The following PLEKHM1 variants were observed in gnomAD, a reference collection of about 807,000 sequenced individuals.
The protein encoded by PLEKHM1 is pleckstrin homology and RUN domain containing M1.
A neutral mutation model predicts 94.3 loss-of-function variants in PLEKHM1; 28 were observed. That is an observed-to-expected ratio of 0.30 (90% confidence interval 0.22 to 0.41). PLEKHM1 has a LOEUF of 0.41. Among genes scored for constraint, PLEKHM1 ranks in the 10% least tolerant of loss-of-function variants. PLEKHM1 has a pLI of 1.00. For synonymous variants in PLEKHM1, 424 were observed against 581.2 expected (o/e 0.73, Z 3.89); for missense variants, 907 against 1,358.6 (o/e 0.67, Z 5.22).
chr17:45,486,203 AG>A (rs2052113852), intron 1 of PLEKHM1, among the ~76,000 whole-genome samples: 1 of 143,352 alleles, frequency 7.0e-6, no homozygotes, highest in Non-Finnish European at 1.5e-5. Context: ...GGCGACAGAG[AG>A]AGACTCCGTC....
chr17:45,441,667 A>G (rs2050451499), intron 9 of PLEKHM1, among the ~76,000 whole-genome samples: 1 of 152,140 alleles, frequency 6.6e-6, no homozygotes, highest in South Asian at 2.1e-4. Context: ...GCTTCTCCGC[A>G]GTGCTCAGTC....
Position 45,453,557 on chromosome 17 carries a change from G to A in PLEKHM1, c.2295C>T (p.Ala765=), listed in dbSNP as rs768761599. 6.2e-6 allele frequency: 10 copies of A among 1,601,442 alleles called. No homozygotes were observed. The Admixed American group carries it at 6.9e-5, about 11-fold the overall frequency. The change falls in exon 7 of 12, where the codon GCC becomes GCT. Residue 765 remains alanine (A), a synonymous_variant. Transcript: ENST00000430334. This position sits in a 1 kb window ranked among gnomAD's most constrained non-coding sequence, Gnocchi z 4.1. ...LKLQAGNAEE[A]ALWRDLVRKV... ...TGCGGACCAGATCCCTCCACAGGGC[G>A]GCTTCCTCGGCGTTTCCGGCCTGCA...
In PLEKHM1 at chr17:45,458,237, C is replaced by G. The variant is rs1389259794; in HGVS notation, c.1511G>C (p.Arg504Thr). Residue 504 changes from arginine (R) to threonine (T), a missense_variant, in exon 6 of 12, where the codon AGA (arginine) becomes ACA (threonine). Transcript: ENST00000430334. ...LDQACVPSPGRRQAQAAPSQG... is the reference protein window; with the variant it reads ...LDQACVPSPGTRQAQAAPSQG... ...GGATGGGGCTGCCTGGGCTTGCCTT[C>G]TTCCTGGGGAAGGTACACACGCTTG... is the stretch of plus-strand genomic sequence containing the variant. 1 of 1,612,950 alleles carries G rather than the reference C, an allele frequency of 6.2e-7. No individual in the cohort carries two copies.
chr17:45,451,170 G>A (rs1381811963), intron 7 of PLEKHM1, among the ~76,000 whole-genome samples: 1 of 152,094 alleles, frequency 6.6e-6, no homozygotes, highest in Admixed American at 6.5e-5. Flanking sequence ...CCCTCCACTC[G>A]GGCCCCAGAA....
chr17:45,471,888 C>T (rs2051525457), intron 4 of PLEKHM1, among the ~76,000 whole-genome samples: 1 of 152,158 alleles, frequency 6.6e-6, no homozygotes, highest in Non-Finnish European at 1.5e-5. Context: ...TATACCTATG[C>T]CACTCAGTGA....
chr17:45,487,164 C>T (rs1416181071), intron 1 of PLEKHM1, among the ~76,000 whole-genome samples: 2 of 152,192 alleles, frequency 1.3e-5, no homozygotes, highest in East Asian at 1.9e-4. Flanking sequence ...CAAACCACAC[C>T]AAGTCTACTG....
Position 45,445,107 on chromosome 17 carries a change from A to G in PLEKHM1, c.2837+363T>C, listed in dbSNP as rs1329836102. On this transcript the variant is annotated intron_variant, in intron 9 of 11. Coordinates refer to ENST00000430334, the MANE Select transcript of PLEKHM1 (RefSeq NM_014798.3). The surrounding 1 kb of genome is among the most constrained non-coding windows in gnomAD (Gnocchi z 4.2). ...GGTGTGCAGTGCTTAGTATGTTCTC[A>G]GTCCATGTTTTTGAGTGAACAAATA... is the stretch of plus-strand genomic sequence containing the variant. Among the ~76,000 whole-genome samples the G allele has an allele frequency of 6.6e-6, 1 of 152,222 alleles. No individual in the cohort carries two copies. Among genetic ancestry groups the G allele is most frequent in the African/African-American group, 2.4e-5 (1 of 41,460 alleles).
chr17:45,460,107 A>C (rs570305370), intron 5 of PLEKHM1: 1 of 152,344 alleles, frequency 6.6e-6, no homozygotes, highest in South Asian at 2.1e-4. Context: ...TGACAGTAGA[A>C]CATGTGTGAC....
rs2521717 is a variant in PLEKHM1, at chr17:45,437,045, G to C, written c.*813C>G. On this transcript the variant is annotated 3_prime_UTR_variant, in exon 12 of 12. Transcript: ENST00000430334. The surrounding 1 kb of genome is among the most constrained non-coding windows in gnomAD (Gnocchi z 4.0). Reference sequence around the variant, plus strand: ...GCAAGACGGCGACCCTCCATAAACCGAGGAGGGCTCAAAGTGCTGACAGTG... The same window carrying C: ...GCAAGACGGCGACCCTCCATAAACCCAGGAGGGCTCAAAGTGCTGACAGTG... 90,296 of 454,392 alleles carry C rather than the reference G, an allele frequency of 0.2. 10,920 individuals are homozygous for C. The highest frequency in any genetic ancestry group is 0.27 in the Non-Finnish European group (60,100 of 226,726). 28.1% of individuals were successfully genotyped at this position (454,392 alleles called of 1,614,324 possible). A position where few individuals can be genotyped will look rare whatever the true frequency, so the allele number is the denominator to read the frequency against.
chr17:45,475,358 G>A lies in PLEKHM1; in HGVS notation c.665C>T (p.Ser222Phe). 6.2e-7 allele frequency: 1 copy of A among 1,613,952 alleles called. No individual in the cohort carries two copies. Among genetic ancestry groups the A allele is most frequent in the Non-Finnish European group, 8.5e-7 (1 of 1,179,850 alleles). Reference sequence around the variant, plus strand: ...TTCAGAGCCTGAAGAATGGGAAATGGAATCCAGAGATTCCTTCCGCTGTAG... The same window carrying A: ...TTCAGAGCCTGAAGAATGGGAAATGAAATCCAGAGATTCCTTCCGCTGTAG... ...AELQRKESLD[S>F]ISHSSGSEDI... The change falls in exon 4 of 12, where the codon TCC (serine) becomes TTC (phenylalanine). Residue 222 changes from serine to phenylalanine, a missense_variant. Coordinates refer to ENST00000430334, the MANE Select transcript of PLEKHM1 (RefSeq NM_014798.3).
rs1263686918 is a variant in PLEKHM1, at chr17:45,437,561, C to T, written c.*297G>A. The T allele has an allele frequency of 2.1e-5, 13 of 625,518 alleles. No individual in the cohort carries two copies. The highest frequency in any genetic ancestry group is 6.7e-5 in the East Asian group (2 of 29,954). 38.7% of individuals were successfully genotyped at this position (625,518 alleles called of 1,614,324 possible). On this transcript the variant is annotated 3_prime_UTR_variant, in exon 12 of 12. Coordinates refer to ENST00000430334, the MANE Select transcript of PLEKHM1 (RefSeq NM_014798.3). The surrounding 1 kb of genome is among the most constrained non-coding windows in gnomAD (Gnocchi z 4.0). ...AGTGTTTGGGCAGCCCTAACGGAGG[C>T]GCCGGGACGCTGGTGAGCCAGGGCC...
intron 5 of PLEKHM1, among the ~76,000 whole-genome samples, chr17:45,465,560 AT>A (rs1188327559): frequency 6.6e-6 from 1 of 151,988 alleles, no homozygotes; most frequent in Non-Finnish European, 1.5e-5. Context: ...AAATACAAAA[AT>A]TAGCTGGGCA....
Position 45,436,675 on chromosome 17 carries a change from C to G in PLEKHM1, c.*1183G>C, listed in dbSNP as rs947928571. ...AACAATTCCAGACTCCCACCCCAGC[C>G]CCAAGGCCCCTTCAAAGGCAGTCCT... On this transcript the variant is annotated 3_prime_UTR_variant, in exon 12 of 12. Coordinates refer to ENST00000430334, the MANE Select transcript of PLEKHM1 (RefSeq NM_014798.3). 4.4e-5 allele frequency: 20 copies of G among 454,044 alleles called. No individual in the cohort carries two copies. Among genetic ancestry groups the G allele is most frequent in the African/African-American group, 4.0e-4 (20 of 50,018 alleles). The allele number at this position is 454,044 out of a possible 1,614,324, so 28.1% of individuals were successfully genotyped here. A position where few individuals can be genotyped will look rare whatever the true frequency, so the allele number is the denominator to read the frequency against.
chr17:45,437,664 G>T lies in PLEKHM1; in HGVS notation c.*194C>A. ...ACGCCTCCTGCAGCAGAGGGGTGGGGGGAGGGCCAGGGGACACCACGGGGA... is the reference window on the plus strand; with the variant it reads ...ACGCCTCCTGCAGCAGAGGGGTGGGTGGAGGGCCAGGGGACACCACGGGGA... On this transcript the variant is annotated 3_prime_UTR_variant, in exon 12 of 12. Coordinates refer to ENST00000430334, the MANE Select transcript of PLEKHM1 (RefSeq NM_014798.3). This position sits in a 1 kb window ranked among gnomAD's most constrained non-coding sequence, Gnocchi z 4.0. The T allele has an allele frequency of 1.4e-6, 1 of 689,940 alleles. No individual in the cohort carries two copies. The highest frequency in any genetic ancestry group is 2.6e-6 in the Non-Finnish European group (1 of 378,528). 42.7% of individuals were successfully genotyped at this position (689,940 alleles called of 1,614,324 possible).
At chr17:45,446,619 A>G (rs2050615698) in intron 8 of PLEKHM1, among the ~76,000 whole-genome samples, 1 of 152,138 alleles carries the variant, frequency 6.6e-6, no homozygotes, top group African/African-American at 2.4e-5. Context: ...TAACATCTTA[A>G]CTAGTCCTCT....
chr17:45,462,184 G>A lies in PLEKHM1; in HGVS notation c.1309-3745C>T, dbSNP rs369501167. On this transcript the variant is annotated intron_variant, in intron 5 of 11. Coordinates refer to ENST00000430334, the MANE Select transcript of PLEKHM1 (RefSeq NM_014798.3). ...CAAGTTCTGACTCAGGCAACTTGAG[G>A]GGTAGCTCACAGAACTAGGTCCCCA... Among the ~76,000 whole-genome samples the A allele has an allele frequency of 1.7e-4, 26 of 152,280 alleles. 1 individual carries two copies. In the Middle Eastern group the frequency reaches 0.014, roughly 80 times the overall value.
chr17:45,474,770 C>A (rs1027737718), intron 4 of PLEKHM1, among the ~76,000 whole-genome samples: 4 of 152,126 alleles, frequency 2.6e-5, no homozygotes, highest in African/African-American at 9.7e-5. Context: ...TGGGCTCAAG[C>A]AATCCTCCTG....
chr17:45,474,435 CTCT>C (rs1193899094), intron 4 of PLEKHM1, among the ~76,000 whole-genome samples: 1 of 152,180 alleles, frequency 6.6e-6, no homozygotes, highest in Non-Finnish European at 1.5e-5. Flanking sequence ...GCCCCACATA[CTCT>C]TCCACACATC....
chr17:45,438,088 T>C, intron 11 of PLEKHM1, 119 bp from the exon 12 acceptor site: 1 of 753,726 alleles, frequency 1.3e-6, no homozygotes, highest in Non-Finnish European at 2.3e-6. Context: ...GTGTAACCCA[T>C]GCACGCACAC....
Sources: allele counts gnomAD v4.1 joint callset (sites outside exome capture counted in the v4.1 genomes callset), GRCh38; gene constraint gnomAD v4.1.1; non-coding constraint Gnocchi (gnomAD v3.1); transcripts MANE v1.5; gene names NCBI Gene and HGNC (gene_info 2026-07-23, HGNC 2026-07-21).